SETX: variants seen among roughly 807,000 people sequenced by gnomAD.
SETX encodes helicase senataxin.
Under a neutral mutation model 227.2 loss-of-function variants are expected in SETX, and 90 were observed. The ratio of observed to expected loss-of-function variants is 0.40; its 90% confidence interval spans 0.33 to 0.47. SETX has a LOEUF of 0.47. SETX is among the 20% of genes least tolerant of loss of function. The pLI is 0.91. For synonymous variants in SETX, 1,210 were observed against 1,113.2 expected (o/e 1.09, Z -1.73); for missense variants, 3,052 against 3,181.5 (o/e 0.96, Z 0.98).
At chr9:132,265,233 T>G (rs905768601) in intron 25 of SETX, among the ~76,000 whole-genome samples, 5 of 146,936 alleles carry the variant, frequency 3.4e-5, no homozygotes, top group South Asian at 4.4e-4. Context: ...TGTTTTTTTT[T>G]TTTTTTTTTT....
Position 132,330,484 on chromosome 9 carries a change from T to G in SETX, c.1114A>C (p.Thr372Pro), listed in dbSNP as rs145145045. 25 of 1,612,898 alleles carry G rather than the reference T, an allele frequency of 1.6e-5. No homozygotes were observed. The highest frequency in any genetic ancestry group is 6.7e-5 in the Admixed American group (4 of 59,980). ...EKTKKDSGWR[T>P]AICPDYCPNM... is the part of the protein sequence containing the mutation. The stretch of plus-strand genomic sequence containing the variant: ...GGACAATAATCTGGGCAAATGGCTG[T>G]TCTCCATCCAGAATCCTAAAATGAA... Residue 372 changes from threonine (T) to proline (P), a missense_variant, in exon 10 of 26, where the codon ACA becomes CCA. Transcript: ENST00000224140.
At chr9:132,312,141 CTGCTCCGCTG>C (rs1296566683) in intron 10 of SETX, among the ~76,000 whole-genome samples, 1 of 152,222 alleles carries the variant, frequency 6.6e-6, no homozygotes, top group African/African-American at 2.4e-5. Context: ...CCACCTGTGG[CTGCTCCGCTG>C]TGGGCAGATG....
rs779499653 is a variant in SETX at position 132,277,053 on chromosome 9, A to C, written c.6935+7T>G. ...TATCAGAGGACTGAGGCAAGAGGAA[A>C]ACATACTCATTATCCCGTCTTTCTG... On this transcript the variant is annotated splice_region_variant and intron_variant, in intron 22 of 25. Coordinates refer to ENST00000224140, the MANE Select transcript of SETX (RefSeq NM_015046.7). 5 of 1,611,842 alleles carry C rather than the reference A, an allele frequency of 3.1e-6. No homozygotes were observed. In the Admixed American group the frequency reaches 8.3e-5, roughly 27 times the overall value.
intron 5 of SETX, 75 bp from the exon 6 acceptor site, chr9:132,336,590 C>T: frequency 1.9e-6 from 2 of 1,056,874 alleles, no homozygotes; most frequent in East Asian, 4.8e-5. Flanking sequence ...GAAAAGAAAA[C>T]AGGATTCTCT....
Position 132,349,269 on chromosome 9 carries a change from A to C in SETX, c.160T>G (p.Leu54Val). The C allele has an allele frequency of 6.2e-7, 1 of 1,614,092 alleles. No homozygotes were observed. Among genetic ancestry groups the C allele is most frequent in the Non-Finnish European group, 8.5e-7 (1 of 1,180,020 alleles). Residue 54 changes from leucine (L) to valine (V), a missense_variant, in exon 3 of 26, where the codon TTG becomes GTG. Physicochemically the swap from Leu to Val is conservative, Grantham distance 32 (BLOSUM62 1). Coordinates refer to ENST00000224140, the MANE Select transcript of SETX (RefSeq NM_015046.7). ...TATTTTACCTCATGCAAGAATGGCA[A>C]TTCATCTCTTGCTTTGTGGTACTCA... ...VAEYHKARDE[L>V]PFLHEVLWEL...
intron 15 of SETX, among the ~76,000 whole-genome samples, chr9:132,292,050 ATAAT>A (rs930342051): frequency 1.3e-5 from 2 of 152,202 alleles, no homozygotes; most frequent in African/African-American, 4.8e-5. Context: ...TAATTTTAAA[ATAAT>A]TTATTTTTTC....
intron 2 of SETX, 38 bp from the exon 3 acceptor site, chr9:132,349,473 C>T: frequency 6.3e-7 from 1 of 1,597,928 alleles, no homozygotes; most frequent in Non-Finnish European, 8.6e-7. Context: ...AGAAAACCAA[C>T]TTCAGACCTA....
chr9:132,347,354 C>T (rs1410247363), intron 3 of SETX, among the ~76,000 whole-genome samples: 2 of 151,802 alleles, frequency 1.3e-5, no homozygotes, highest in Non-Finnish European at 2.9e-5. Flanking sequence ...TCGCTGTCGC[C>T]CAGGCTGGAG....
In SETX at chr9:132,301,994, A is replaced by T. The variant is rs182287009; in HGVS notation, c.5375-1191T>A. Reference sequence around the variant, plus strand: ...AAATGTACTAAGTTCAAGGCCTAAGACTTAATATTGTTAAAATGTCAGCTG... The same window carrying T: ...AAATGTACTAAGTTCAAGGCCTAAGTCTTAATATTGTTAAAATGTCAGCTG... On this transcript the variant is annotated intron_variant, in intron 11 of 25. Coordinates refer to ENST00000224140, the MANE Select transcript of SETX (RefSeq NM_015046.7). Among the ~76,000 whole-genome samples the T allele has an allele frequency of 6.0e-3, 910 of 152,312 alleles. 10 individuals are homozygous for T. The highest frequency in any genetic ancestry group is 6.7e-3 in the Non-Finnish European group (458 of 68,032).
Position 132,307,316 on chromosome 9 carries a change from T to G in SETX, c.5374+4441A>C, listed in dbSNP as rs139968733. Among the ~76,000 whole-genome samples the G allele has an allele frequency of 2.5e-4, 37 of 150,576 alleles. No homozygotes were observed. The East Asian group carries it at 7.1e-3, about 29-fold the overall frequency. ...TTTCTGCCTTAATGTCTATTTAGTTTGATATTAACAGAGCTAAATAAGTTT... is the reference window on the plus strand; with the variant it reads ...TTTCTGCCTTAATGTCTATTTAGTTGGATATTAACAGAGCTAAATAAGTTT... On this transcript the variant is annotated intron_variant, in intron 11 of 25. Transcript: ENST00000224140.
At position 132,330,152 on chromosome 9, in the gene SETX, G is replaced by C; in HGVS notation, c.1446C>G (p.Ser482=). 1 of 1,606,996 alleles carries C rather than the reference G, an allele frequency of 6.2e-7. No homozygotes were observed. Among genetic ancestry groups the C allele is most frequent in the Non-Finnish European group, 8.5e-7 (1 of 1,174,588 alleles). The change falls in exon 10 of 26, where the codon TCC becomes TCG. Residue 482 remains serine, a synonymous_variant. Transcript: ENST00000224140. ...TGACGACGGCTTCCACCCATTGCTG[G>C]GAACTTACCCACAGCAAATGCAAAC... ...KKCLHLLWVS[S]QQWVEAVVKC...
intron 11 of SETX, among the ~76,000 whole-genome samples, chr9:132,307,678 AT>A (rs535908148): frequency 3.2e-3 from 439 of 135,354 alleles, no homozygotes; most frequent in Middle Eastern, 7.6e-3. Context: ...CTTACTAGTG[AT>A]TTTTTTTTTT....
chr9:132,267,184 C>A (rs1447473411), intron 25 of SETX, among the ~76,000 whole-genome samples: 3 of 152,200 alleles, frequency 2.0e-5, no homozygotes, highest in Admixed American at 6.5e-5. Context: ...GCTGACTTCA[C>A]AGTAGTTTTT....
chr9:132,314,712 C>T (rs1247326668), intron 10 of SETX, among the ~76,000 whole-genome samples: 1 of 151,964 alleles, frequency 6.6e-6, no homozygotes, highest in African/African-American at 2.4e-5. Flanking sequence ...GATTATTCTA[C>T]AAAACTGGAG....
chr9:132,344,282 T>TG (rs1848165969), intron 4 of SETX, among the ~76,000 whole-genome samples: 1 of 152,194 alleles, frequency 6.6e-6, no homozygotes, highest in Non-Finnish European at 1.5e-5. Flanking sequence ...GGTGTGCTCA[T>TG]GGCTCACCTC....
intron 10 of SETX, among the ~76,000 whole-genome samples, chr9:132,323,498 A>T (rs573991956): frequency 6.6e-6 from 1 of 152,272 alleles, no homozygotes; most frequent in Admixed American, 6.5e-5. Flanking sequence ...GGGAACAGGA[A>T]GAGTGTGTGC....
chr9:132,291,760 T>C (rs529230499), intron 15 of SETX, among the ~76,000 whole-genome samples: 73 of 152,228 alleles, frequency 4.8e-4, no homozygotes, highest in African/African-American at 1.7e-3. Context: ...GAGGTATAAT[T>C]TACATTCAGT....
At chr9:132,317,436 A>G (rs956284626) in intron 10 of SETX, among the ~76,000 whole-genome samples, 2 of 152,162 alleles carry the variant, frequency 1.3e-5, no homozygotes, top group African/African-American at 4.8e-5. Flanking sequence ...TGTTCCATCA[A>G]TTGTTGCTTC....
intron 2 of SETX, among the ~76,000 whole-genome samples, chr9:132,352,634 G>C (rs566069): frequency 0.87 from 133,097 of 152,158 alleles, 58,356 homozygotes; most frequent in Non-Finnish European, 0.91. Flanking sequence ...ACCTGTAGTC[G>C]CAGCTACTGG....
Sources: gnomAD v4.1 joint callset for allele counts (sites outside exome capture counted in the v4.1 genomes callset) on GRCh38, gnomAD v4.1.1 for gene constraint, MANE v1.5 for transcripts, NCBI Gene and HGNC (gene_info 2026-07-23, HGNC 2026-07-21) for gene names.